The following NRG1 variants were observed in gnomAD, a reference collection of about 807,000 sequenced individuals.
NRG1 encodes the protein pro-neuregulin-1, membrane-bound isoform.
In NRG1, 18 loss-of-function variants were observed where a neutral mutation model predicts 63.8. The observed-to-expected ratio is 0.28, with a 90% confidence interval of 0.19 to 0.42. NRG1 has a LOEUF of 0.42. Ranked by LOEUF, NRG1 falls within the 10% of genes least tolerant of loss-of-function variation. The pLI is 1.00. For synonymous variants in NRG1, 302 were observed against 301.3 expected (o/e 1.00, Z -0.02); for missense variants, 762 against 814.7 (o/e 0.94, Z 0.79).
At chr8:31,802,522 G>T (rs1175828306) in intron 1 of NRG1, among the ~76,000 whole-genome samples, 1 of 152,106 alleles carries the variant, frequency 6.6e-6, no homozygotes. Flanking sequence ...AAAAATGGTT[G>T]ATATCTAGTA....
intron 1 of NRG1, among the ~76,000 whole-genome samples, chr8:31,656,017 G>T (rs181394177): frequency 6.6e-6 from 1 of 152,332 alleles, no homozygotes; most frequent in Admixed American, 6.5e-5. Flanking sequence ...GGAAGCATGT[G>T]CTTGTTTGGA....
chr8:32,091,358 A>G (rs1018866113), intron 1 of NRG1, among the ~76,000 whole-genome samples: 1 of 152,154 alleles, frequency 6.6e-6, no homozygotes, highest in Non-Finnish European at 1.5e-5. Flanking sequence ...AGCAACATTC[A>G]ATGACATTTA....
intron 1 of NRG1, among the ~76,000 whole-genome samples, chr8:32,172,617 A>G (rs774557915): frequency 7.2e-5 from 11 of 152,218 alleles, no homozygotes; most frequent in Non-Finnish European, 1.6e-4. Flanking sequence ...ATGGCTAACT[A>G]GAATAACCAA....
At chr8:32,591,103 A>G (rs1175243368) in intron 1 of NRG1, among the ~76,000 whole-genome samples, 3 of 152,156 alleles carry the variant, frequency 2.0e-5, no homozygotes, top group Non-Finnish European at 4.4e-5. Flanking sequence ...TTGGTAGTAC[A>G]CAGATGTGTT....
intron 6 of NRG1, among the ~76,000 whole-genome samples, chr8:32,728,998 G>T (rs2129016267): frequency 1.3e-5 from 2 of 152,298 alleles, no homozygotes; most frequent in African/African-American, 4.8e-5. Context: ...AACCTGGGAG[G>T]TGGAGCTTGC....
At chr8:31,811,019 A>G (rs921179736) in intron 1 of NRG1, among the ~76,000 whole-genome samples, 1 of 152,128 alleles carries the variant, frequency 6.6e-6, no homozygotes, top group African/African-American at 2.4e-5. Flanking sequence ...CTCTCTCTCT[A>G]TAGTTTGGCT....
At chr8:32,761,644 T>G (rs1461103726) in intron 11 of NRG1, among the ~76,000 whole-genome samples, 4 of 151,912 alleles carry the variant, frequency 2.6e-5, no homozygotes, top group African/African-American at 9.7e-5. Flanking sequence ...GACCATTTAC[T>G]AAAAGGTTTA....
intron 1 of NRG1, among the ~76,000 whole-genome samples, chr8:32,282,041 A>G (rs1234275859): frequency 6.6e-6 from 1 of 152,212 alleles, no homozygotes; most frequent in African/African-American, 2.4e-5. Flanking sequence ...TACACCGCTC[A>G]CAGAGTCTGG....
At chr8:31,908,548 T>C (rs1315275684) in intron 1 of NRG1, among the ~76,000 whole-genome samples, 2 of 152,160 alleles carry the variant, frequency 1.3e-5, no homozygotes, top group African/African-American at 2.4e-5. Flanking sequence ...ATTGTATCCA[T>C]CACCTCCAAA....
chr8:31,761,307 T>G (rs1235619968), intron 1 of NRG1, among the ~76,000 whole-genome samples: 4 of 151,118 alleles, frequency 2.6e-5, no homozygotes, highest in Non-Finnish European at 5.9e-5. Context: ...TGTTGTGGGG[T>G]GAGGGGAGTG....
intron 1 of NRG1, among the ~76,000 whole-genome samples, chr8:32,058,333 A>G (rs1823303795): frequency 6.6e-6 from 1 of 152,090 alleles, no homozygotes; most frequent in South Asian, 2.1e-4. Context: ...TATAAAATAA[A>G]TAAGGATCTG....
At chr8:31,920,940 C>T (rs897578875) in intron 1 of NRG1, among the ~76,000 whole-genome samples, 1 of 150,772 alleles carries the variant, frequency 6.6e-6, no homozygotes, top group Non-Finnish European at 1.5e-5. Flanking sequence ...AAACCTATAC[C>T]TGAAAACATT....
Position 31,640,165 on chromosome 8 carries a change from G to A in NRG1, c.37+734G>A. 1 of 1,184,746 alleles carries A rather than the reference G, an allele frequency of 8.4e-7. No homozygotes were observed. The highest frequency in any genetic ancestry group is 3.8e-5 in the East Asian group (1 of 26,648). 73.4% of individuals were successfully genotyped at this position (1,184,746 alleles called of 1,614,324 possible). A position where few individuals can be genotyped will look rare whatever the true frequency, so the allele number is the denominator to read the frequency against. On this transcript the variant is annotated intron_variant, in intron 1 of 10. Transcript: ENST00000519301. This position sits in a 1 kb window ranked among gnomAD's most constrained non-coding sequence, Gnocchi z 6.3. ...CGAGGCGGCTCCCGCGGGGGCCTCG[G>A]TGTGCTACTCGTCCCCGCCCAGCGT...
At chr8:32,043,673 G>C (rs1033103426) in intron 1 of NRG1, among the ~76,000 whole-genome samples, 5 of 151,848 alleles carry the variant, frequency 3.3e-5, no homozygotes, top group African/African-American at 1.2e-4. Context: ...GGACCTATAT[G>C]ATGGTAGTAG....
At chr8:32,604,502 C>G (rs751898820) in intron 2 of NRG1, among the ~76,000 whole-genome samples, 16 of 152,120 alleles carry the variant, frequency 1.1e-4, no homozygotes, top group Admixed American at 2.6e-4. Flanking sequence ...TCTCCCTTGT[C>G]GTTATCCCCT....
At chr8:32,020,810 T>A (rs1261170990) in intron 1 of NRG1, among the ~76,000 whole-genome samples, 2 of 152,236 alleles carry the variant, frequency 1.3e-5, no homozygotes, top group Admixed American at 6.5e-5. Flanking sequence ...GTATAATTTA[T>A]GAACTGTTAT....
rs527538312 is a variant in NRG1, at chr8:31,936,074, A to G, written c.37+296643A>G. On this transcript the variant is annotated intron_variant, in intron 1 of 10. Transcript: ENST00000519301. ...TGGAAAGGCAGCAGTCACGGTCACA[A>G]AAAAAGGGTCCAGAAACAATACAGG... Among the ~76,000 whole-genome samples the G allele has an allele frequency of 2.6e-5, 4 of 152,278 alleles. No homozygotes were observed. The South Asian group carries it at 6.2e-4, about 24-fold the overall frequency.
chr8:32,667,293 T>C (rs574215987), intron 5 of NRG1, among the ~76,000 whole-genome samples: 1 of 152,202 alleles, frequency 6.6e-6, no homozygotes, highest in Non-Finnish European at 1.5e-5. Context: ...GTAGATGCAG[T>C]TTCCTGTTGA....
chr8:32,114,518 G>A (rs1036549647), intron 1 of NRG1, among the ~76,000 whole-genome samples: 2 of 152,054 alleles, frequency 1.3e-5, no homozygotes, highest in Non-Finnish European at 2.9e-5. Context: ...AAAAAAAATC[G>A]CAAGTGACTT....
Sources: gnomAD v4.1 joint callset for allele counts (sites outside exome capture counted in the v4.1 genomes callset) on GRCh38, gnomAD v4.1.1 for gene constraint, Gnocchi (gnomAD v3.1) non-coding constraint, MANE v1.5 for transcripts, NCBI Gene and HGNC (gene_info 2026-07-23, HGNC 2026-07-21) for gene names.